The following MDGA2 variants were observed in gnomAD, a reference collection of about 807,000 sequenced individuals.
MDGA2 encodes the protein MAM domain-containing glycosylphosphatidylinositol anchor protein 2.
MDGA2 carries 40 observed loss-of-function variants against 117.8 expected under a neutral mutation model. That is an observed-to-expected ratio of 0.34 (90% CI 0.26 to 0.44). The LOEUF (loss-of-function observed/expected upper bound fraction) is 0.44. Among genes scored for constraint, MDGA2 ranks in the 20% least tolerant of loss-of-function variants. MDGA2 has a pLI of 1.00. For missense variants in MDGA2, 1,123 were observed against 1,250.6 expected (o/e 0.90, Z 1.54); for synonymous variants, 452 against 439.0 (o/e 1.03, Z -0.37).
At chr14:47,040,068 T>A (rs1257086737) in intron 7 of MDGA2, among the ~76,000 whole-genome samples, 1 of 152,194 alleles carries the variant, frequency 6.6e-6, no homozygotes, top group Non-Finnish European at 1.5e-5. Flanking sequence ...TTTCAATGAA[T>A]GTTAACAGGG....
intron 7 of MDGA2, among the ~76,000 whole-genome samples, chr14:47,057,542 T>C (rs1889722716): frequency 1.3e-5 from 2 of 152,010 alleles, no homozygotes; most frequent in Admixed American, 1.3e-4. Context: ...TATAATCACA[T>C]ATATCATAGT....
At chr14:47,551,914 A>G (rs918892369) in intron 1 of MDGA2, among the ~76,000 whole-genome samples, 6 of 152,188 alleles carry the variant, frequency 3.9e-5, no homozygotes, top group Non-Finnish European at 8.8e-5. Flanking sequence ...GAGGAAAGTG[A>G]AAAACAGTAG....
At chr14:47,629,297 T>C (rs1381873587) in intron 1 of MDGA2, among the ~76,000 whole-genome samples, 40 of 152,232 alleles carry the variant, frequency 2.6e-4, no homozygotes. Context: ...GCAATTCTGA[T>C]TCATTTGAGC....
chr14:47,144,064 A>G lies in MDGA2; in HGVS notation c.792+14T>C, dbSNP rs771933091. The G allele has an allele frequency of 9.1e-6, 14 of 1,534,874 alleles. No homozygotes were observed. The highest frequency in any genetic ancestry group is 1.4e-5 in the African/African-American group (1 of 72,712). Reference sequence around the variant, plus strand: ...TAGCAGAGTAGGGTGGAAATACTGTACCTTAATTCATACCTGGGTAAAGAA... The same window carrying G: ...TAGCAGAGTAGGGTGGAAATACTGTGCCTTAATTCATACCTGGGTAAAGAA... On this transcript the variant is annotated intron_variant, in intron 4 of 16. Transcript: ENST00000399232.
intron 1 of MDGA2, among the ~76,000 whole-genome samples, chr14:47,428,441 T>C (rs960803789): frequency 6.6e-6 from 1 of 152,110 alleles, no homozygotes; most frequent in African/African-American, 2.4e-5. Flanking sequence ...AAATGTTGAT[T>C]AGTCTACATA....
chr14:46,845,391 T>C lies in MDGA2; in HGVS notation c.2989+375A>G, dbSNP rs117915662. Among the ~76,000 whole-genome samples, 120 of 152,332 alleles carry C rather than the reference T, an allele frequency of 7.9e-4. 5 individuals carry two copies. In the East Asian group the frequency reaches 0.02, roughly 26 times the overall value. On this transcript the variant is annotated intron_variant, in intron 16 of 16. Coordinates refer to ENST00000399232, the MANE Select transcript of MDGA2 (RefSeq NM_001113498.3). ...GCAGTTCTTTATAGCAGTATGAAGA[T>C]TGACTAATACAATTTACATTGTAAA...
At position 47,335,734 on chromosome 14, in the gene MDGA2, T is replaced by TATATATATATATATATATATA. The variant is rs1555374518; in HGVS notation, c.281-34185_281-34184insTATATATATATATATATATAT. On this transcript the variant is annotated intron_variant, in intron 1 of 16. Transcript: ENST00000399232. ...ACACATACACATGCACACATATATT[T>TATATATATATATATATATATA]TATATATATATATACATACATACAT... 6.0e-4 allele frequency among the ~76,000 whole-genome samples: 29 copies of TATATATATATATATATATATA among 48,012 alleles called. 1 individual carries two copies. The highest frequency in any genetic ancestry group is 2.8e-3 in the South Asian group (2 of 716). 31.5% of individuals were successfully genotyped at this position (48,012 alleles called of 152,430 possible).
At chr14:47,465,494 A>C (rs1566470869) in intron 1 of MDGA2, among the ~76,000 whole-genome samples, 1 of 152,168 alleles carries the variant, frequency 6.6e-6, no homozygotes, top group Non-Finnish European at 1.5e-5. Flanking sequence ...AAAAAAACAA[A>C]CAACCCCATT....
chr14:47,016,060 C>CA (rs1888072150), intron 8 of MDGA2, among the ~76,000 whole-genome samples: 1 of 151,848 alleles, frequency 6.6e-6, no homozygotes, highest in African/African-American at 2.4e-5. Flanking sequence ...AGAATACAGG[C>CA]AAAAATATAT....
chr14:47,110,605 CTTTAT>C (rs1880986850), intron 5 of MDGA2, among the ~76,000 whole-genome samples: 1 of 152,072 alleles, frequency 6.6e-6, no homozygotes, highest in African/African-American at 2.4e-5. Flanking sequence ...GACTCTGTAA[CTTTAT>C]TTTATAGAAA....
At chr14:47,013,265 T>C (rs1194751329) in intron 8 of MDGA2, among the ~76,000 whole-genome samples, 2 of 152,170 alleles carry the variant, frequency 1.3e-5, no homozygotes, top group East Asian at 1.9e-4. Context: ...AATCTTTTGT[T>C]GTCATTTCAA....
intron 1 of MDGA2, among the ~76,000 whole-genome samples, chr14:47,497,659 G>A (rs1022206273): frequency 6.6e-6 from 1 of 152,108 alleles, no homozygotes; most frequent in African/African-American, 2.4e-5. Flanking sequence ...GAGTCTGCTT[G>A]TATGTCAATT....
At chr14:47,173,583 A>G (rs1884285344) in intron 3 of MDGA2, among the ~76,000 whole-genome samples, 1 of 152,206 alleles carries the variant, frequency 6.6e-6, no homozygotes, top group African/African-American at 2.4e-5. Flanking sequence ...AAAATACTTT[A>G]CAGACAAGCA....
chr14:46,886,679 T>C (rs1022980950), intron 10 of MDGA2, among the ~76,000 whole-genome samples: 1 of 152,008 alleles, frequency 6.6e-6, no homozygotes, highest in Non-Finnish European at 1.5e-5. Context: ...GAAATGTTTC[T>C]CTGTTTTTAA....
At chr14:47,582,224 A>G (rs955166339) in intron 1 of MDGA2, among the ~76,000 whole-genome samples, 4 of 151,880 alleles carry the variant, frequency 2.6e-5, no homozygotes, top group Non-Finnish European at 4.4e-5. Flanking sequence ...GATATGAGAC[A>G]TAAAAGAGGG....
chr14:47,644,966 G>C (rs1033041110), intron 1 of MDGA2, among the ~76,000 whole-genome samples: 19 of 152,196 alleles, frequency 1.2e-4, no homozygotes, highest in African/African-American at 4.3e-4. Context: ...GAAGGAAGGG[G>C]CCATGAGCTA....
intron 9 of MDGA2, among the ~76,000 whole-genome samples, chr14:46,944,271 G>A (rs1276805701): frequency 6.6e-6 from 1 of 151,890 alleles, no homozygotes; most frequent in Non-Finnish European, 1.5e-5. Flanking sequence ...ATTTTCAAAA[G>A]ATATTTAAAG....
chr14:46,855,266 G>C lies in MDGA2; in HGVS notation c.2753-112C>G, dbSNP rs1477196436. On this transcript the variant is annotated intron_variant, in intron 14 of 16. Coordinates refer to ENST00000399232, the MANE Select transcript of MDGA2 (RefSeq NM_001113498.3). The surrounding 1 kb of genome is among the most constrained non-coding windows in gnomAD (Gnocchi z 4.1). ...AACTGAAATTTTACAGAACACTCTA[G>C]TGTCTTGTCCTCTCTTCTCCTCTCA... 13 of 792,548 alleles carry C rather than the reference G, an allele frequency of 1.6e-5. No homozygotes were observed. The highest frequency in any genetic ancestry group is 2.1e-5 in the Non-Finnish European group (11 of 513,232). 49.1% of individuals were successfully genotyped at this position (792,548 alleles called of 1,614,324 possible).
At chr14:46,974,971 T>C (rs371891341) in intron 8 of MDGA2, among the ~76,000 whole-genome samples, 249 of 152,126 alleles carry the variant, frequency 1.6e-3, no homozygotes, top group African/African-American at 5.6e-3. Flanking sequence ...GCAATTAGTA[T>C]GGAGAATGGA....
Sources: allele counts gnomAD v4.1 joint callset (sites outside exome capture counted in the v4.1 genomes callset), GRCh38; gene constraint gnomAD v4.1.1; non-coding constraint Gnocchi (gnomAD v3.1); transcripts MANE v1.5; gene names NCBI Gene and HGNC (gene_info 2026-07-23, HGNC 2026-07-21).